VAV3: variants seen among roughly 807,000 people sequenced by gnomAD.
The protein encoded by VAV3 is guanine nucleotide exchange factor VAV3.
VAV3 carries 94 observed loss-of-function variants against 131.2 expected under a neutral mutation model. The observed-to-expected ratio is 0.72, with a 90% confidence interval of 0.61 to 0.85. The LOEUF (loss-of-function observed/expected upper bound fraction) is 0.85. Ranked by LOEUF, VAV3 falls within the 40% of genes least tolerant of loss-of-function variation. The pLI is 0.00. For synonymous variants in VAV3, 349 were observed against 342.0 expected (o/e 1.02, Z -0.22); for missense variants, 939 against 1,002.7 (o/e 0.94, Z 0.86).
intron 15 of VAV3, among the ~76,000 whole-genome samples, chr1:107,722,123 T>C (rs1661539089): frequency 6.6e-6 from 1 of 152,060 alleles, no homozygotes; most frequent in Non-Finnish European, 1.5e-5. Context: ...TTCTGCAGAG[T>C]CAGTTGTGCT....
intron 24 of VAV3, among the ~76,000 whole-genome samples, chr1:107,596,998 C>T (rs1286486711): frequency 1.3e-5 from 2 of 152,086 alleles, no homozygotes; most frequent in Non-Finnish European, 2.9e-5. Flanking sequence ...TTCAGACTAT[C>T]GTTTCAGAAA....
rs1675338862 is a variant in VAV3 at position 107,964,700 on chromosome 1, A to G, written c.170T>C (p.Leu57Pro). 6.2e-7 allele frequency: 1 copy of G among 1,613,734 alleles called. No homozygotes were observed. Among genetic ancestry groups the G allele is most frequent in the African/African-American group, 1.3e-5 (1 of 74,880 alleles). Residue 57 changes from leucine (L) to proline (P), a missense_variant, in exon 1 of 27, where the codon CTG becomes CCG. By Grantham distance (98) the Leu-to-Pro change is moderately conservative (BLOSUM62 -3). Transcript: ENST00000370056. The stretch of plus-strand genomic sequence containing the variant: ...CTGCGGCCTCAGGTTGATCTCCTTC[A>G]GGTTGATGGAGTGCGCCCGGAGGTT... The part of the protein sequence containing the change: ...LNNLRAHSIN[L>P]KEINLRPQMS...
chr1:107,893,282 T>C (rs1671400483), intron 1 of VAV3, among the ~76,000 whole-genome samples: 1 of 152,224 alleles, frequency 6.6e-6, no homozygotes, highest in African/African-American at 2.4e-5. Flanking sequence ...TGCTCCTTTT[T>C]AAAGTTTGAT....
chr1:107,688,571 A>C, intron 17 of VAV3, 165 bp from the exon 18 acceptor site: 1 of 1,501,896 alleles, frequency 6.7e-7, no homozygotes, highest in Non-Finnish European at 8.8e-7. Flanking sequence ...ATTATTTTGC[A>C]ACCTTGGTTC....
Position 107,830,264 on chromosome 1 carries a change from G to A in VAV3, c.321+44637C>T, listed in dbSNP as rs189427721. On this transcript the variant is annotated intron_variant, in intron 2 of 26. Transcript: ENST00000370056. ...ATCACCCAGGGTGGAGGGCAGTGAT[G>A]CAATCATAGCCCACTACAGCCTCCA... Among the ~76,000 whole-genome samples the A allele has an allele frequency of 4.2e-4, 64 of 151,582 alleles. 1 individual carries two copies. The highest frequency in any genetic ancestry group is 1.5e-4 in the Non-Finnish European group (10 of 67,930).
intron 15 of VAV3, among the ~76,000 whole-genome samples, chr1:107,741,877 G>A (rs1663043457): frequency 6.6e-6 from 1 of 152,088 alleles, no homozygotes; most frequent in South Asian, 2.1e-4. Context: ...TTAAATGACA[G>A]GCTAGATAAA....
intron 2 of VAV3, among the ~76,000 whole-genome samples, chr1:107,869,469 G>A (rs1670155854): frequency 2.0e-5 from 3 of 152,004 alleles, no homozygotes; most frequent in Non-Finnish European, 4.4e-5. Flanking sequence ...CTTGGACCTT[G>A]ACACTCTGTT....
chr1:107,884,648 CTA>C (rs1670947053), intron 1 of VAV3, among the ~76,000 whole-genome samples: 1 of 151,690 alleles, frequency 6.6e-6, no homozygotes, highest in African/African-American at 2.4e-5. Flanking sequence ...TGAGGTCTCA[CTA>C]TGTTTCCCAG....
At chr1:107,631,732 G>GT (rs1363611914) in intron 20 of VAV3, among the ~76,000 whole-genome samples, 1 of 148,256 alleles carries the variant, frequency 6.7e-6, no homozygotes, top group East Asian at 2.0e-4. Flanking sequence ...GCGGTGTTTG[G>GT]TTTTTTGTCC....
intron 20 of VAV3, among the ~76,000 whole-genome samples, chr1:107,621,312 C>T (rs575981321): frequency 6.6e-6 from 1 of 152,172 alleles, no homozygotes; most frequent in South Asian, 2.1e-4. Flanking sequence ...GTTACAATTA[C>T]TTACTAATTC....
chr1:107,888,055 T>G (rs958095448), intron 1 of VAV3, among the ~76,000 whole-genome samples: 1 of 152,044 alleles, frequency 6.6e-6, no homozygotes, highest in African/African-American at 2.4e-5. Context: ...TTAAGAATAG[T>G]GTGTTAATTC....
intron 19 of VAV3, among the ~76,000 whole-genome samples, chr1:107,667,618 A>G (rs1657506533): frequency 6.6e-6 from 1 of 152,150 alleles, no homozygotes; most frequent in Non-Finnish European, 1.5e-5. Context: ...ACACAAACAA[A>G]TCACAACACA....
chr1:107,964,551 T>A, intron 1 of VAV3, 115 bp downstream of exon 1: 1 of 1,206,088 alleles, frequency 8.3e-7, no homozygotes, highest in African/African-American at 1.5e-5. Context: ...AGCAGAAGGC[T>A]GGGAAGCAGG....
chr1:107,679,360 T>C (rs1474336692), intron 19 of VAV3, among the ~76,000 whole-genome samples: 1 of 152,190 alleles, frequency 6.6e-6, no homozygotes, highest in Non-Finnish European at 1.5e-5. Context: ...TATTCATTTA[T>C]TATTCAAGGT....
intron 19 of VAV3, among the ~76,000 whole-genome samples, chr1:107,676,728 T>C (rs951093807): frequency 1.3e-5 from 2 of 152,202 alleles, no homozygotes; most frequent in African/African-American, 2.4e-5. Flanking sequence ...TAAACATATG[T>C]AGTTCTAGTA....
intron 1 of VAV3, among the ~76,000 whole-genome samples, chr1:107,901,582 G>A (rs909512909): frequency 6.6e-6 from 1 of 152,142 alleles, no homozygotes; most frequent in Admixed American, 6.5e-5. Context: ...AAGTTATGTA[G>A]TGCCCAACAG....
At chr1:107,880,680 C>A (rs980768094) in intron 1 of VAV3, among the ~76,000 whole-genome samples, 3 of 151,818 alleles carry the variant, frequency 2.0e-5, no homozygotes, top group African/African-American at 7.3e-5. Context: ...CCTATGGTCC[C>A]AGTTACTGGG....
At chr1:107,891,838 C>CAAAAAAAAA (rs35693360) in intron 1 of VAV3, among the ~76,000 whole-genome samples, 2 of 27,926 alleles carry the variant, frequency 7.2e-5, no homozygotes, top group African/African-American at 2.1e-4. Context: ...GACTCCGTCT[C>CAAAAAAAAA]AAAAAAAAAA....
intron 1 of VAV3, among the ~76,000 whole-genome samples, chr1:107,957,968 C>A (rs969322166): frequency 2.0e-5 from 3 of 151,988 alleles, no homozygotes. Flanking sequence ...TACTTCAGTG[C>A]CTTACCCCAG....
Sources: gnomAD v4.1 joint callset for allele counts (sites outside exome capture counted in the v4.1 genomes callset) on GRCh38, gnomAD v4.1.1 for gene constraint, MANE v1.5 for transcripts, NCBI Gene and HGNC (gene_info 2026-07-23, HGNC 2026-07-21) for gene names.